Variants in ABHD18 observed in about 807,000 individuals in gnomAD.
ABHD18 encodes cardiolipin-specific deacylase, mitochondrial.
A neutral mutation model predicts 65.9 loss-of-function variants in ABHD18; 55 were observed. The ratio of observed to expected loss-of-function variants is 0.84; its 90% CI spans 0.67 to 1.05. ABHD18 has a LOEUF of 1.05. ABHD18 is among the 50% of genes least tolerant of loss of function. The pLI, the probability that ABHD18 is intolerant of heterozygous loss-of-function variation, is 0.00. For missense variants in ABHD18, 533 were observed against 558.5 expected, an observed-to-expected ratio of 0.95 and a Z score of 0.46; for synonymous variants, 181 against 180.2, an observed-to-expected ratio of 1.00 and a Z score of -0.04.
chr4:128,034,442 G>A (rs769498275), intron 12 of ABHD18, among the ~76,000 whole-genome samples: 1 of 151,986 alleles, frequency 6.6e-6, no homozygotes, highest in Non-Finnish European at 1.5e-5. Context: ...GCAGGGTGTC[G>A]CAGGACTGTA....
rs942302192 is a variant in ABHD18, at chr4:128,009,155, G to T, written c.406G>T (p.Ala136Ser). Residue 136 changes from alanine to serine, a missense_variant, in exon 6 of 13, where the codon GCC becomes TCC. Physicochemically the swap from Ala to Ser is moderately conservative, Grantham distance 99 (BLOSUM62 1). This residue lies in a region of ABHD18 where 309 missense variants were observed against 313.5 expected (regional missense o/e 0.99). Coordinates refer to ENST00000645843, the MANE Select transcript of ABHD18 (RefSeq NM_001358451.3). ...TLMARPMIKE[A>S]RMASLLLENP... is the part of the protein sequence containing the mutation. Reference sequence around the variant, plus strand: ...AATGGCCCGTCCTATGATTAAAGAAGCCCGAATGGCTTCTTTATTGTTAGA... The same window carrying T: ...AATGGCCCGTCCTATGATTAAAGAATCCCGAATGGCTTCTTTATTGTTAGA... The T allele has an allele frequency of 5.3e-6, 8 of 1,522,670 alleles. No individual in the cohort carries two copies. The highest frequency in any genetic ancestry group is 2.7e-5 in the Admixed American group (1 of 37,208). 94.3% of individuals were successfully genotyped at this position (1,522,670 alleles called of 1,614,324 possible). A position where few individuals can be genotyped will look rare whatever the true frequency, so the allele number is the denominator to read the frequency against.
chr4:128,039,138 CAT>C lies in ABHD18; in HGVS notation c.*3328_*3329del, dbSNP rs1256106921. ...TATATATATGTATTATATATACACA[CAT>C]ATGCATATATATATATATATATATA... On this transcript the variant is annotated 3_prime_UTR_variant, in exon 13 of 13. Coordinates refer to ENST00000645843, the MANE Select transcript of ABHD18 (RefSeq NM_001358451.3). 5.2e-5 allele frequency: 5 copies of C among 95,984 alleles called. No individual in the cohort carries two copies. Among genetic ancestry groups the C allele is most frequent in the East Asian group, 4.8e-4 (1 of 2,078 alleles). 5.9% of individuals were successfully genotyped at this position (95,984 alleles called of 1,614,324 possible).
intron 6 of ABHD18, among the ~76,000 whole-genome samples, chr4:128,009,920 T>A (rs944593068): frequency 6.6e-6 from 1 of 152,202 alleles, no homozygotes; most frequent in Non-Finnish European, 1.5e-5. Flanking sequence ...GCTAAATGTC[T>A]AAAATAGAAA....
chr4:128,005,941 A>G (rs992524645), intron 4 of ABHD18, among the ~76,000 whole-genome samples: 1 of 152,168 alleles, frequency 6.6e-6, no homozygotes, highest in East Asian at 1.9e-4. Flanking sequence ...TAGCTACCAC[A>G]GCCCCACAGA....
intron 1 of ABHD18, among the ~76,000 whole-genome samples, chr4:127,967,483 T>C (rs1745847508): frequency 6.6e-6 from 1 of 152,208 alleles, no homozygotes; most frequent in African/African-American, 2.4e-5. Context: ...AGTTTTTATC[T>C]AAGTGAAATA....
chr4:128,008,495 G>A (rs528326293), intron 4 of ABHD18, among the ~76,000 whole-genome samples: 12 of 151,742 alleles, frequency 7.9e-5, no homozygotes, highest in Admixed American at 3.3e-4. Flanking sequence ...GGCTGGTCTC[G>A]AACTCTCAAC....
intron 4 of ABHD18, chr4:128,001,891 C>A: frequency 1.9e-6 from 2 of 1,063,508 alleles, no homozygotes; most frequent in Non-Finnish European, 2.5e-6. Context: ...AAGACCCTTT[C>A]AGTTTGAAAA....
At chr4:127,989,105 A>G (rs1330651840) in intron 3 of ABHD18, among the ~76,000 whole-genome samples, 2 of 152,216 alleles carry the variant, frequency 1.3e-5, no homozygotes, top group African/African-American at 4.8e-5. Flanking sequence ...AAAAGAATGA[A>G]ATATTGTCAT....
intron 4 of ABHD18, among the ~76,000 whole-genome samples, chr4:127,997,917 T>G (rs994037079): frequency 1.3e-5 from 2 of 152,086 alleles, no homozygotes; most frequent in Admixed American, 1.3e-4. Flanking sequence ...TTTGACAGAT[T>G]CTTGCTCTAT....
Position 128,035,997 on chromosome 4 carries a change from A to G in ABHD18, c.*184A>G. On this transcript the variant is annotated 3_prime_UTR_variant, in exon 13 of 13. Transcript: ENST00000645843. The stretch of plus-strand genomic sequence containing the variant: ...GAATACATTTGAATAATTTCAAGAT[A>G]ATATTTGAAGTAAATAATGTTAAAG... 2.4e-6 allele frequency: 1 copy of G among 414,626 alleles called. No homozygotes were observed. The highest frequency in any genetic ancestry group is 3.2e-4 in the Middle Eastern group (1 of 3,132). 25.7% of individuals were successfully genotyped at this position (414,626 alleles called of 1,614,324 possible). A position where few individuals can be genotyped will look rare whatever the true frequency, so the allele number is the denominator to read the frequency against.
At chr4:127,995,488 C>A (rs933278893) in intron 4 of ABHD18, among the ~76,000 whole-genome samples, 1 of 151,876 alleles carries the variant, frequency 6.6e-6, no homozygotes, top group Non-Finnish European at 1.5e-5. Flanking sequence ...GTAGAAAGAT[C>A]AATATTTCTA....
chr4:127,980,507 T>C (rs1318653176), intron 1 of ABHD18, among the ~76,000 whole-genome samples: 1 of 152,052 alleles, frequency 6.6e-6, no homozygotes, highest in African/African-American at 2.4e-5. Flanking sequence ...GCACTAGATA[T>C]GCCTGAAATG....
intron 1 of ABHD18, among the ~76,000 whole-genome samples, chr4:127,970,911 C>T (rs1205317443): frequency 2.6e-5 from 4 of 151,906 alleles, no homozygotes; most frequent in Non-Finnish European, 4.4e-5. Flanking sequence ...ACTGTCTCTA[C>T]TAAAAATACA....
chr4:127,999,972 T>C (rs1188784810), intron 4 of ABHD18, among the ~76,000 whole-genome samples: 1 of 152,164 alleles, frequency 6.6e-6, no homozygotes, highest in Non-Finnish European at 1.5e-5. Flanking sequence ...CCCACAATCA[T>C]GGCGGAAGGT....
rs1303031077 is a variant in ABHD18, at chr4:128,039,212, T to C, written c.*3399T>C. 6.8e-6 allele frequency: 1 copy of C among 148,088 alleles called. No homozygotes were observed. The highest frequency in any genetic ancestry group is 1.5e-5 in the Non-Finnish European group (1 of 67,156). The allele number at this position is 148,088 out of a possible 1,614,324, so 9.2% of individuals were successfully genotyped here. ...TCTCAAAGAAGTGCGGTCTGCCATT[T>C]ATCTGCCATTTTGAGGATTTAGGTA... On this transcript the variant is annotated 3_prime_UTR_variant, in exon 13 of 13. Coordinates refer to ENST00000645843, the MANE Select transcript of ABHD18 (RefSeq NM_001358451.3).
At chr4:128,018,780 G>A (rs1289018875) in intron 8 of ABHD18, among the ~76,000 whole-genome samples, 6 of 152,008 alleles carry the variant, frequency 3.9e-5, no homozygotes, top group Admixed American at 2.0e-4. Context: ...TTGGGAGGCC[G>A]AGGCGGGCAG....
In ABHD18 at chr4:128,028,672, T is replaced by TA; in HGVS notation, c.1000dup (p.Thr334AsnfsTer3). ...CATCAGAAGGACTCTTATTGCAAGA[T>TA]ACCTCTAAGATGAAGCGCTTCAATC... On this transcript the variant is annotated frameshift_variant, in exon 11 of 13. Coordinates refer to ENST00000645843, the MANE Select transcript of ABHD18 (RefSeq NM_001358451.3). LOFTEE classifies it high-confidence loss of function. 6.2e-7 allele frequency: 1 copy of TA among 1,613,862 alleles called. No individual in the cohort carries two copies. Among genetic ancestry groups the TA allele is most frequent in the Non-Finnish European group, 8.5e-7 (1 of 1,179,862 alleles).
chr4:128,001,201 C>T (rs913449148), intron 4 of ABHD18, among the ~76,000 whole-genome samples: 1 of 152,110 alleles, frequency 6.6e-6, no homozygotes, highest in Non-Finnish European at 1.5e-5. Context: ...GAATGGGCAT[C>T]CTTGTTTTGT....
At chr4:127,989,295 A>T (rs908317101) in intron 3 of ABHD18, among the ~76,000 whole-genome samples, 4 of 152,222 alleles carry the variant, frequency 2.6e-5, no homozygotes, top group Non-Finnish European at 2.9e-5. Flanking sequence ...AGGGGAAGAT[A>T]AAGTGGAGAT....
Sources: allele counts gnomAD v4.1 joint callset (sites outside exome capture counted in the v4.1 genomes callset), GRCh38; gene constraint gnomAD v4.1.1; regional missense constraint gnomAD v4.1.1; transcripts MANE v1.5; gene names NCBI Gene and HGNC (gene_info 2026-07-23, HGNC 2026-07-21).